Variants in ATF7 observed in about 807,000 individuals in gnomAD.
ATF7 encodes activating transcription factor 7.
A neutral mutation model predicts 50.4 loss-of-function variants in ATF7; 10 were observed. That is an observed-to-expected ratio of 0.20 (90% CI 0.12 to 0.34). The LOEUF is 0.34. Among genes scored for constraint, ATF7 ranks in the 10% least tolerant of loss-of-function variants. ATF7 has a pLI of 1.00. For synonymous variants in ATF7, 201 were observed against 226.4 expected, an observed-to-expected ratio of 0.89 and a Z score of 1.01; for missense variants, 465 against 613.9, an observed-to-expected ratio of 0.76 and a Z score of 2.56.
At position 53,558,735 on chromosome 12, in the gene ATF7, C is replaced by A. The variant is rs745893145; in HGVS notation, c.49-6098G>T. ...AAAAAAAGTAGCAAGAAAGAAGATT[C>A]TTTTCATTTAAGAAATACTAAGAAG... On this transcript the variant is annotated intron_variant, in intron 2 of 11. Coordinates refer to ENST00000420353, the MANE Select transcript of ATF7 (RefSeq NM_006856.3). 1.8e-4 allele frequency among the ~76,000 whole-genome samples: 28 copies of A among 152,160 alleles called. 1 individual carries two copies. The highest frequency in any genetic ancestry group is 1.5e-5 in the Non-Finnish European group (1 of 68,014).
chr12:53,560,425 T>A (rs1941034372), intron 2 of ATF7, among the ~76,000 whole-genome samples: 1 of 145,974 alleles, frequency 6.9e-6, no homozygotes, highest in Non-Finnish European at 1.5e-5. Context: ...AAATGAGACG[T>A]AAGGCCAAAC....
downstream of ATF7, among the ~76,000 whole-genome samples, chr12:53,508,586 G>C (rs1264401782): frequency 6.6e-6 from 1 of 151,836 alleles, no homozygotes; most frequent in Non-Finnish European, 1.5e-5. Flanking sequence ...AAGATATAGA[G>C]GGAGGCTACA....
intron 1 of ATF7, among the ~76,000 whole-genome samples, chr12:53,625,695 G>C (rs914236531): frequency 6.6e-6 from 1 of 152,006 alleles, no homozygotes; most frequent in Non-Finnish European, 1.5e-5. Context: ...AACCCAACGG[G>C]GTGTTGTGTC....
At chr12:53,616,898 C>T (rs866465020) in intron 1 of ATF7, among the ~76,000 whole-genome samples, 5 of 149,698 alleles carry the variant, frequency 3.3e-5, no homozygotes, top group Non-Finnish European at 5.9e-5. Flanking sequence ...TGAGCCGAGA[C>T]CATGCCACTG....
chr12:53,590,369 G>A lies in ATF7; in HGVS notation c.48+10584C>T, dbSNP rs1336687892. Among the ~76,000 whole-genome samples, 3 of 152,154 alleles carry A rather than the reference G, an allele frequency of 2.0e-5. No homozygotes were observed. In the East Asian group the frequency reaches 5.8e-4, roughly 29 times the overall value. On this transcript the variant is annotated intron_variant, in intron 2 of 11. Coordinates refer to ENST00000420353, the MANE Select transcript of ATF7 (RefSeq NM_006856.3). Reference sequence around the variant, plus strand: ...AGTACAAGAGTTTATTTCTGGATGAGGAATCTTTGCACTAATGTTCTTCAA... The same window carrying A: ...AGTACAAGAGTTTATTTCTGGATGAAGAATCTTTGCACTAATGTTCTTCAA...
chr12:53,611,131 A>G (rs907297242), intron 1 of ATF7, among the ~76,000 whole-genome samples: 6 of 152,002 alleles, frequency 3.9e-5, no homozygotes, highest in Admixed American at 3.9e-4. Context: ...CCCAGCTAAT[A>G]TTCACATTTT....
At chr12:53,523,181 A>T (rs1938228523) in intron 11 of ATF7, 95 bp downstream of exon 11, 2 of 960,820 alleles carry the variant, frequency 2.1e-6, no homozygotes, top group South Asian at 2.8e-5. Flanking sequence ...TCCCCAGAAC[A>T]TTCAGAATGG....
chr12:53,605,575 T>C (rs2684327), intron 1 of ATF7, among the ~76,000 whole-genome samples: 142,968 of 152,200 alleles, frequency 0.94, 67,766 homozygotes, highest in East Asian at 1. Flanking sequence ...ATGAGACAGA[T>C]ATGATTTCTG....
chr12:53,526,223 A>AG (rs1938458427), intron 9 of ATF7, among the ~76,000 whole-genome samples: 1 of 151,114 alleles, frequency 6.6e-6, no homozygotes, highest in Non-Finnish European at 1.5e-5. Flanking sequence ...AAAAAAAAAA[A>AG]AAAGTTATAC....
chr12:53,601,591 A>G (rs1943408047), intron 1 of ATF7, among the ~76,000 whole-genome samples: 1 of 152,204 alleles, frequency 6.6e-6, no homozygotes, highest in Admixed American at 6.5e-5. Flanking sequence ...ATAAAAAAAT[A>G]AAAATAAAAA....
intron 11 of ATF7, among the ~76,000 whole-genome samples, chr12:53,520,651 T>C (rs1176842831): frequency 6.6e-6 from 1 of 152,172 alleles, no homozygotes. Flanking sequence ...CATCTCCACC[T>C]GTAAGCCTAA....
chr12:53,532,229 G>A (rs949720727), intron 8 of ATF7, among the ~76,000 whole-genome samples: 16 of 152,178 alleles, frequency 1.1e-4, no homozygotes, highest in African/African-American at 3.6e-4. Flanking sequence ...CTGCCCACTC[G>A]CCCACCCTCC....
At chr12:53,537,870 G>A (rs1419046830) in intron 4 of ATF7, among the ~76,000 whole-genome samples, 3 of 151,962 alleles carry the variant, frequency 2.0e-5, no homozygotes, top group Admixed American at 6.6e-5. Flanking sequence ...GTGCCACCAC[G>A]CCCAGCTAAT....
chr12:53,536,198 T>C (rs982995075), intron 5 of ATF7, among the ~76,000 whole-genome samples: 2 of 152,134 alleles, frequency 1.3e-5, no homozygotes, highest in Non-Finnish European at 2.9e-5. Context: ...TTTATAAGTA[T>C]GTACTTTTGT....
rs1490664049 is a variant in ATF7 at position 53,513,965 on chromosome 12, T to TA, written c.*3171dup. The TA allele has an allele frequency of 6.6e-6, 1 of 152,104 alleles. No homozygotes were observed. Among genetic ancestry groups the TA allele is most frequent in the Non-Finnish European group, 1.5e-5 (1 of 68,036 alleles). The allele number at this position is 152,104 out of a possible 1,614,324, so 9.4% of individuals were successfully genotyped here. The stretch of plus-strand genomic sequence containing the variant: ...GCTCAGTCCCTCTTTAACCACTACT[T>TA]AGAGTACATGGTCTAATGCTTAGGG... On this transcript the variant is annotated 3_prime_UTR_variant, in exon 12 of 12. Transcript: ENST00000420353.
At chr12:53,594,512 A>C (rs1343382638) in intron 2 of ATF7, among the ~76,000 whole-genome samples, 5 of 152,220 alleles carry the variant, frequency 3.3e-5, no homozygotes, top group Non-Finnish European at 5.9e-5. Context: ...ACATGTTTCT[A>C]AGGGCAAGTG....
chr12:53,535,758 C>T (rs59541238), intron 5 of ATF7, among the ~76,000 whole-genome samples: 6,583 of 152,002 alleles, frequency 0.043, 435 homozygotes, highest in African/African-American at 0.13. Context: ...GACATTTTTT[C>T]GAAACTGTTA....
chr12:53,530,043 A>G (rs1938772303), intron 9 of ATF7, among the ~76,000 whole-genome samples: 1 of 152,106 alleles, frequency 6.6e-6, no homozygotes, highest in Non-Finnish European at 1.5e-5. Context: ...AACCTGGCCT[A>G]TTTATAATAC....
At position 53,532,633 on chromosome 12, in the gene ATF7, G is replaced by T; in HGVS notation, c.661-10C>A. 1 of 1,501,670 alleles carries T rather than the reference G, an allele frequency of 6.7e-7. No homozygotes were observed. The highest frequency in any genetic ancestry group is 1.3e-5 in the South Asian group (1 of 79,574). The allele number at this position is 1,501,670 out of a possible 1,614,324, so 93.0% of individuals were successfully genotyped here. A position where few individuals can be genotyped will look rare whatever the true frequency, so the allele number is the denominator to read the frequency against. On this transcript the variant is annotated splice_polypyrimidine_tract_variant and intron_variant, in intron 7 of 11. Coordinates refer to ENST00000420353, the MANE Select transcript of ATF7 (RefSeq NM_006856.3). ...ACACAGGTCTGGCCAGCTGGATCGA[G>T]AGAAGGAAAAAAAAAAAAAGAGAAG...
Sources: allele counts gnomAD v4.1 joint callset (sites outside exome capture counted in the v4.1 genomes callset), GRCh38; gene constraint gnomAD v4.1.1; transcripts MANE v1.5; gene names NCBI Gene and HGNC (gene_info 2026-07-23, HGNC 2026-07-21).